The following ABTB3 variants were observed in gnomAD, a reference collection of about 807,000 sequenced individuals.
ABTB3 encodes the protein ankyrin repeat and BTB domain containing 3.
chr12:107,543,227 T>TC, the ABTB3 span, among the ~76,000 whole-genome samples: 1 of 148,948 alleles, frequency 6.7e-6, no homozygotes, highest in Non-Finnish European at 1.5e-5. Context: ...TCCCAGCTAC[T>TC]CAAGAGGCTG....
the ABTB3 span, among the ~76,000 whole-genome samples, chr12:107,364,571 G>A: frequency 5.9e-5 from 9 of 152,092 alleles, no homozygotes; most frequent in African/African-American, 1.9e-4. Context: ...GATTACAGAC[G>A]TGAACCACCT....
At chr12:107,522,176 A>T in the ABTB3 span, among the ~76,000 whole-genome samples, 1 of 151,788 alleles carries the variant, frequency 6.6e-6, no homozygotes, top group African/African-American at 2.4e-5. Context: ...GCCCTCATGG[A>T]CTCATCTAAC....
At chr12:107,512,488 C>A in the ABTB3 span, among the ~76,000 whole-genome samples, 2 of 152,210 alleles carry the variant, frequency 1.3e-5, no homozygotes, top group Non-Finnish European at 2.9e-5. Flanking sequence ...AGTTTGTATA[C>A]TTGCCTATCA....
At chr12:107,587,400 T>C in the ABTB3 span, among the ~76,000 whole-genome samples, 1 of 151,816 alleles carries the variant, frequency 6.6e-6, no homozygotes, top group African/African-American at 2.4e-5. Flanking sequence ...GCAGTGAGGA[T>C]GGAGAAACAG....
At chr12:107,603,198 G>C in the ABTB3 span, among the ~76,000 whole-genome samples, 5 of 152,172 alleles carry the variant, frequency 3.3e-5, no homozygotes, top group African/African-American at 1.2e-4. Flanking sequence ...TGGAAAGACT[G>C]TATGGGGCTC....
the ABTB3 span, among the ~76,000 whole-genome samples, chr12:107,373,806 G>C: frequency 7.9e-5 from 12 of 152,198 alleles, no homozygotes; most frequent in Non-Finnish European, 1.6e-4. Flanking sequence ...GGATGGCCCC[G>C]TAACTCAGCA....
chr12:107,459,995 A>G, the ABTB3 span, among the ~76,000 whole-genome samples: 1 of 152,206 alleles, frequency 6.6e-6, no homozygotes, highest in South Asian at 2.1e-4. Context: ...TGAAGCAGGA[A>G]CCTGGGAAAA....
chr12:107,320,726 G>A, the ABTB3 span: 17 of 455,456 alleles, frequency 3.7e-5, no homozygotes, highest in East Asian at 1.1e-3. Context: ...CAGCTGGTGG[G>A]GGCTGCGGGA....
At chr12:107,605,318 C>T in the ABTB3 span, among the ~76,000 whole-genome samples, 4 of 152,174 alleles carry the variant, frequency 2.6e-5, no homozygotes, top group Non-Finnish European at 5.9e-5. Flanking sequence ...AAGAAACAAA[C>T]ATTTTTTAAG....
chr12:107,470,010 T>TC, the ABTB3 span, among the ~76,000 whole-genome samples: 34 of 57,084 alleles, frequency 6.0e-4, 3 homozygotes, highest in African/African-American at 2.2e-3. Flanking sequence ...CTTTCTTTCT[T>TC]TCTCTCTCTC....
At chr12:107,410,781 A>G in the ABTB3 span, among the ~76,000 whole-genome samples, 1 of 152,148 alleles carries the variant, frequency 6.6e-6, no homozygotes, top group Non-Finnish European at 1.5e-5. Context: ...GGTTTAAGCA[A>G]GCTTGTCATG....
chr12:107,395,946 T>C, the ABTB3 span, among the ~76,000 whole-genome samples: 32,915 of 152,190 alleles, frequency 0.22, 3,713 homozygotes, highest in Admixed American at 0.29. Context: ...ATGGGAACCC[T>C]GTGTGGCCTT....
At chr12:107,619,916 G>T in the ABTB3 span, 1 of 1,411,978 alleles carries the variant, frequency 7.1e-7, no homozygotes, top group African/African-American at 1.4e-5. Context: ...TGCTCCTCTG[G>T]TTGTTTTCCA....
the ABTB3 span, among the ~76,000 whole-genome samples, chr12:107,648,698 G>A: frequency 1.3e-5 from 2 of 152,292 alleles, no homozygotes; most frequent in African/African-American, 4.8e-5. Flanking sequence ...TAAGGAGCAG[G>A]TGGCCCTGTG....
the ABTB3 span, among the ~76,000 whole-genome samples, chr12:107,389,009 A>AAGTTTAATT: frequency 0.24 from 35,990 of 152,120 alleles, 4,403 homozygotes; most frequent in Admixed American, 0.29. Context: ...GTGAACCAAC[A>AAGTTTAATT]TTAAAACTCA....
At chr12:107,454,200 G>A in the ABTB3 span, among the ~76,000 whole-genome samples, 1 of 152,156 alleles carries the variant, frequency 6.6e-6, no homozygotes, top group South Asian at 2.1e-4. Context: ...TGCTAATGCA[G>A]ATCTTATCTG....
chr12:107,551,059 A>G, the ABTB3 span, among the ~76,000 whole-genome samples: 3 of 152,218 alleles, frequency 2.0e-5, no homozygotes, highest in Non-Finnish European at 4.4e-5. Flanking sequence ...TGGAAGCCTC[A>G]ATAGCAAGAA....
At chr12:107,601,904 G>A in the ABTB3 span, among the ~76,000 whole-genome samples, 6 of 152,188 alleles carry the variant, frequency 3.9e-5, no homozygotes, top group Admixed American at 1.3e-4. Flanking sequence ...AAAGCAAAAT[G>A]AAATTAAAGC....
At chr12:107,413,462 C>T in the ABTB3 span, among the ~76,000 whole-genome samples, 2 of 152,066 alleles carry the variant, frequency 1.3e-5, no homozygotes, top group African/African-American at 4.8e-5. Context: ...TTCATCCAAG[C>T]AGGACACTCT....
Sources: gnomAD v4.1 joint callset for allele counts (sites outside exome capture counted in the v4.1 genomes callset) on GRCh38, gnomAD v4.1.1 for gene constraint, MANE v1.5 for transcripts, NCBI Gene and HGNC (gene_info 2026-07-23, HGNC 2026-07-21) for gene names.